PDGFD: variants seen among roughly 807,000 people sequenced by gnomAD.
PDGFD encodes the protein platelet derived growth factor D.
A neutral mutation model predicts 44.7 loss-of-function variants in PDGFD; 30 were observed. The ratio of observed to expected loss-of-function variants is 0.67; its 90% confidence interval spans 0.50 to 0.91. The LOEUF (loss-of-function observed/expected upper bound fraction) is 0.91, where lower values mean the gene tolerates loss of function less well. Ranked by LOEUF, PDGFD falls within the 40% of genes least tolerant of loss-of-function variation. PDGFD has a pLI of 0.00. For missense variants in PDGFD, 445 were observed against 457.8 expected, an observed-to-expected ratio of 0.97 and a Z score of 0.25; for synonymous variants, 173 against 168.4, an observed-to-expected ratio of 1.03 and a Z score of -0.21.
At chr11:104,044,068 C>T (rs1265378465) in intron 1 of PDGFD, among the ~76,000 whole-genome samples, 2 of 152,110 alleles carry the variant, frequency 1.3e-5, no homozygotes, top group Admixed American at 6.5e-5. Context: ...AACAATGAGT[C>T]GATTGGATGA....
chr11:103,947,536 A>T (rs1858683740), intron 4 of PDGFD, 126 bp downstream of exon 4: 1 of 711,826 alleles, frequency 1.4e-6, no homozygotes, highest in South Asian at 1.6e-5. Flanking sequence ...ATGGAGAAAC[A>T]CATCCTGTTT....
At chr11:103,979,203 C>T (rs1391903125) in intron 3 of PDGFD, among the ~76,000 whole-genome samples, 1 of 152,046 alleles carries the variant, frequency 6.6e-6, no homozygotes, top group African/African-American at 2.4e-5. Context: ...AAATTTCTTT[C>T]TTTCCTTTAG....
chr11:104,081,183 C>T (rs922373994), intron 1 of PDGFD, among the ~76,000 whole-genome samples: 2 of 151,934 alleles, frequency 1.3e-5, no homozygotes, highest in Admixed American at 6.6e-5. Flanking sequence ...AAGCTACTAA[C>T]GTTTAGGGTA....
At chr11:104,021,995 C>T (rs1031499387) in intron 1 of PDGFD, among the ~76,000 whole-genome samples, 2 of 152,244 alleles carry the variant, frequency 1.3e-5, no homozygotes, top group Non-Finnish European at 2.9e-5. Context: ...TACAAGGAAA[C>T]AACCATTCTT....
intron 1 of PDGFD, among the ~76,000 whole-genome samples, chr11:104,002,528 G>A (rs1196117569): frequency 6.6e-6 from 1 of 152,150 alleles, no homozygotes; most frequent in Non-Finnish European, 1.5e-5. Context: ...GGAACTGTGA[G>A]CCAATTAAAC....
chr11:104,072,310 ATT>A (rs1470113943), intron 1 of PDGFD, among the ~76,000 whole-genome samples: 1 of 151,808 alleles, frequency 6.6e-6, no homozygotes, highest in Non-Finnish European at 1.5e-5. Context: ...AATTTTGCAC[ATT>A]CTTTGTTAAA....
chr11:104,098,042 G>A (rs1044147679), intron 1 of PDGFD, among the ~76,000 whole-genome samples: 20 of 152,128 alleles, frequency 1.3e-4, no homozygotes, highest in Admixed American at 2.6e-4. Flanking sequence ...GATTTCCTCC[G>A]TGAAATGCCA....
At chr11:104,053,178 C>G (rs1860568086) in intron 1 of PDGFD, among the ~76,000 whole-genome samples, 1 of 151,992 alleles carries the variant, frequency 6.6e-6, no homozygotes, top group Non-Finnish European at 1.5e-5. Context: ...CTAATGATAC[C>G]TTGGGGGAGG....
intron 3 of PDGFD, among the ~76,000 whole-genome samples, chr11:103,953,177 T>C (rs1008207000): frequency 3.3e-5 from 5 of 152,136 alleles, no homozygotes; most frequent in African/African-American, 1.2e-4. Flanking sequence ...AAGATGTATA[T>C]ATACAAAATG....
chr11:104,036,898 G>A, intron 1 of PDGFD: 1 of 1,614,178 alleles, frequency 6.2e-7, no homozygotes. Context: ...CCCCGACTTT[G>A]AGCTCCGAAA....
intron 1 of PDGFD, among the ~76,000 whole-genome samples, chr11:104,087,480 T>A (rs1411119410): frequency 6.6e-6 from 1 of 152,142 alleles, no homozygotes; most frequent in Non-Finnish European, 1.5e-5. Flanking sequence ...GTGCTGGGAT[T>A]ACAGGCATGA....
chr11:104,037,735 G>C (rs1289492765), intron 1 of PDGFD: 1 of 1,614,112 alleles, frequency 6.2e-7, no homozygotes, highest in Non-Finnish European at 8.5e-7. Flanking sequence ...TGTTCATCTA[G>C]CTCAGATTCA....
chr11:103,917,068 C>T (rs1459050709), intron 6 of PDGFD, among the ~76,000 whole-genome samples: 1 of 151,858 alleles, frequency 6.6e-6, no homozygotes, highest in Non-Finnish European at 1.5e-5. Context: ...CACATGTACC[C>T]CACAACTTAA....
At chr11:103,949,089 G>C (rs2134326851) in intron 3 of PDGFD, among the ~76,000 whole-genome samples, 1 of 138,634 alleles carries the variant, frequency 7.2e-6, no homozygotes, top group Non-Finnish European at 1.5e-5. Flanking sequence ...TGCAACCTCT[G>C]CCTCCCAGGT....
chr11:103,907,962 T>C lies in PDGFD; in HGVS notation c.*1732A>G. 1 of 152,146 alleles carries C rather than the reference T, an allele frequency of 6.6e-6. No homozygotes were observed. The highest frequency in any genetic ancestry group is 1.5e-5 in the Non-Finnish European group (1 of 68,026). The allele number at this position is 152,146 out of a possible 1,614,324, so 9.4% of individuals were successfully genotyped here. ...GTACATCTTCAATAAGCAGAGATCT[T>C]TCATCTCAAATAACTGGGAAGAATT... On this transcript the variant is annotated 3_prime_UTR_variant, in exon 7 of 7. Transcript: ENST00000393158.
At chr11:104,060,537 G>C (rs892320683) in intron 1 of PDGFD, among the ~76,000 whole-genome samples, 3 of 152,200 alleles carry the variant, frequency 2.0e-5, no homozygotes, top group Non-Finnish European at 4.4e-5. Context: ...TTTAATTATA[G>C]TGCCCATTGT....
intron 1 of PDGFD, among the ~76,000 whole-genome samples, chr11:104,084,731 A>G: frequency 1.4e-5 from 2 of 140,730 alleles, no homozygotes; most frequent in Admixed American, 1.4e-4. Context: ...TATATAATAC[A>G]GATATATGTA....
rs190016205 is a variant in PDGFD at position 103,950,989 on chromosome 11, G to A, written c.511-3265C>T. Among the ~76,000 whole-genome samples the A allele has an allele frequency of 2.1e-4, 32 of 152,202 alleles. No homozygotes were observed. The East Asian group carries it at 5.8e-3, about 28-fold the overall frequency. On this transcript the variant is annotated intron_variant, in intron 3 of 6. Transcript: ENST00000393158. ...AGCAGAAAGGGACTTTGGTGCACAA[G>A]CCCCTAAACAAATGTTACACAAGAA...
intron 1 of PDGFD, among the ~76,000 whole-genome samples, chr11:104,114,579 G>A (rs896000047): frequency 1.1e-4 from 17 of 151,970 alleles, no homozygotes; most frequent in Admixed American, 7.2e-4. Flanking sequence ...ATCTCTTCAC[G>A]GTCATTTATC....
Sources: allele counts gnomAD v4.1 joint callset (sites outside exome capture counted in the v4.1 genomes callset), GRCh38; gene constraint gnomAD v4.1.1; transcripts MANE v1.5; gene names NCBI Gene and HGNC (gene_info 2026-07-23, HGNC 2026-07-21).